Variants in DEDD2 observed in about 807,000 individuals in gnomAD.
DEDD2 encodes the protein death effector domain containing 2, also known as DNA-binding death effector domain-containing protein 2.
DEDD2 carries 18 observed loss-of-function variants against 28.9 expected under a neutral mutation model. That is an observed-to-expected ratio of 0.62 (90% confidence interval 0.43 to 0.92). The LOEUF (loss-of-function observed/expected upper bound fraction) is 0.92. Ranked by LOEUF, DEDD2 falls within the 40% of genes least tolerant of loss-of-function variation. The probability of loss-of-function intolerance (pLI) is 0.00; values close to 1 mark genes in which losing one functional copy is unlikely to be tolerated. For synonymous variants in DEDD2, 211 were observed against 206.1 expected (o/e 1.02, Z -0.20); for missense variants, 411 against 463.3 (o/e 0.89, Z 1.04).
intron 4 of DEDD2, among the ~76,000 whole-genome samples, chr19:42,209,283 G>A (rs1298208455): frequency 3.3e-5 from 5 of 152,066 alleles, no homozygotes; most frequent in African/African-American, 1.2e-4. Context: ...AGGCAGAGAG[G>A]TTCAATTACT....
rs566565105 is a variant in DEDD2 at position 42,216,506 on chromosome 19, A to C, written c.328+174T>G. Among the ~76,000 whole-genome samples, 6 of 152,360 alleles carry C rather than the reference A, an allele frequency of 3.9e-5. No individual in the cohort carries two copies. The South Asian group carries it at 1.2e-3, about 32-fold the overall frequency. Reference sequence around the variant, plus strand: ...TCATCACTGATGTGGCCAAATTCCCAAAGCCATGCTTTCTTCCTCTTATGT... The same window carrying C: ...TCATCACTGATGTGGCCAAATTCCCCAAGCCATGCTTTCTTCCTCTTATGT... On this transcript the variant is annotated intron_variant, in intron 2 of 4. Transcript: ENST00000596251.
At chr19:42,217,575 C>A in intron 1 of DEDD2, 57 bp downstream of exon 1, 1 of 158,864 alleles carries the variant, frequency 6.3e-6, no homozygotes, top group Non-Finnish European at 1.4e-5. Context: ...CTCCCCAGAG[C>A]CCAGGTGGTC....
intron 4 of DEDD2, among the ~76,000 whole-genome samples, chr19:42,208,905 C>G (rs892561950): frequency 6.6e-6 from 1 of 152,220 alleles, no homozygotes; most frequent in African/African-American, 2.4e-5. Flanking sequence ...ACAATCCAAA[C>G]AGGGAGGTGA....
chr19:42,219,872 C>T (rs2036099435), upstream of DEDD2, among the ~76,000 whole-genome samples: 1 of 152,208 alleles, frequency 6.6e-6, no homozygotes, highest in Non-Finnish European at 1.5e-5. Context: ...TGATATCATC[C>T]AATCCCCTAA....
chr19:42,207,288 G>A (rs1245308827), intron 4 of DEDD2, among the ~76,000 whole-genome samples: 1 of 152,198 alleles, frequency 6.6e-6, no homozygotes, highest in African/African-American at 2.4e-5. Context: ...ACTCCCTGGA[G>A]GGCCATTATG....
intron 4 of DEDD2, among the ~76,000 whole-genome samples, chr19:42,201,056 G>A (rs919152585): frequency 4.6e-5 from 7 of 152,188 alleles, no homozygotes; most frequent in African/African-American, 1.4e-4. Flanking sequence ...TCTGCCAGGC[G>A]CCAAGTGCTT....
upstream of DEDD2, among the ~76,000 whole-genome samples, chr19:42,218,462 C>T (rs1384481541): frequency 6.6e-6 from 1 of 152,152 alleles, no homozygotes; most frequent in African/African-American, 2.4e-5. Context: ...TCCAGGGTCG[C>T]CCAGATACCC....
intron 4 of DEDD2, among the ~76,000 whole-genome samples, chr19:42,202,328 T>A (rs993935587): frequency 6.6e-6 from 1 of 151,980 alleles, no homozygotes; most frequent in African/African-American, 2.4e-5. Flanking sequence ...TGCACTCCAG[T>A]CACAAGAAAA....
At chr19:42,209,385 T>A (rs1164446111) in intron 4 of DEDD2, among the ~76,000 whole-genome samples, 2 of 152,164 alleles carry the variant, frequency 1.3e-5, no homozygotes, top group African/African-American at 2.4e-5. Context: ...CCCCGTGATA[T>A]GCTGCCACTG....
At chr19:42,211,091 T>G (rs1050498399) in intron 3 of DEDD2, among the ~76,000 whole-genome samples, 37 of 141,218 alleles carry the variant, frequency 2.6e-4, no homozygotes, top group Non-Finnish European at 1.4e-4. Context: ...AAAAAAAAAA[T>G]TAAACACAAA....
chr19:42,214,209 A>C (rs1162954805), intron 3 of DEDD2, among the ~76,000 whole-genome samples: 4 of 152,190 alleles, frequency 2.6e-5, no homozygotes, highest in Non-Finnish European at 1.5e-5. Context: ...TAATCCCAAC[A>C]CTTTCGGAGG....
At chr19:42,220,043 GC>G (rs963005108), upstream of DEDD2, 1 of 152,250 alleles carries the variant, frequency 6.6e-6, no homozygotes. Flanking sequence ...GTCTCCCGCC[GC>G]CCAGTTCACT....
intron 3 of DEDD2, among the ~76,000 whole-genome samples, chr19:42,213,758 G>T (rs2035854895): frequency 6.6e-6 from 1 of 152,096 alleles, no homozygotes; most frequent in South Asian, 2.1e-4. Flanking sequence ...CAATGTTACA[G>T]GAAAAAGAAA....
At chr19:42,210,794 G>A (rs570954155) in intron 3 of DEDD2, among the ~76,000 whole-genome samples, 4 of 151,984 alleles carry the variant, frequency 2.6e-5, no homozygotes, top group African/African-American at 7.2e-5. Context: ...GGCCGCACAC[G>A]GTGTGGCTCC....
At chr19:42,211,089 A>C (rs996613115) in intron 3 of DEDD2, among the ~76,000 whole-genome samples, 5 of 151,590 alleles carry the variant, frequency 3.3e-5, no homozygotes, top group African/African-American at 1.2e-4. Context: ...AAAAAAAAAA[A>C]ATTAAACACA....
At chr19:42,213,801 A>G (rs758596685) in intron 3 of DEDD2, among the ~76,000 whole-genome samples, 9 of 144,848 alleles carry the variant, frequency 6.2e-5, no homozygotes, top group Non-Finnish European at 1.2e-4. Context: ...TTTCTGTGCT[A>G]TAGCAGGAGA....
At chr19:42,211,661 G>A (rs1371188857) in intron 3 of DEDD2, among the ~76,000 whole-genome samples, 3 of 152,062 alleles carry the variant, frequency 2.0e-5, no homozygotes, top group African/African-American at 7.2e-5. Context: ...TTGTTATTTT[G>A]ATGCTATTTA....
chr19:42,216,850 G>C lies in DEDD2; in HGVS notation c.158C>G (p.Pro53Arg). The C allele has an allele frequency of 1.9e-6, 3 of 1,591,118 alleles. No homozygotes were observed. Among genetic ancestry groups the C allele is most frequent in the Non-Finnish European group, 2.6e-6 (3 of 1,169,318 alleles). ...CCGGGCTAAGCCTCCGGCGGCGCCAGGAGCCTCATCCAGCAGAAAGGCCAG... is the reference window on the plus strand; with the variant it reads ...CCGGGCTAAGCCTCCGGCGGCGCCACGAGCCTCATCCAGCAGAAAGGCCAG... The part of the protein sequence containing the change: ...ELLAFLLDEA[P>R]GAAGGLARAR... Residue 53 changes from proline to arginine, a missense_variant, in exon 2 of 5, where the codon CCT becomes CGT. Pro to Arg is a moderately radical substitution (Grantham distance 103, BLOSUM62 -2). Coordinates refer to ENST00000596251, the MANE Select transcript of DEDD2 (RefSeq NM_133328.4).
At chr19:42,216,626 G>A (rs977898515) in intron 2 of DEDD2, 54 bp downstream of exon 2, 39 of 1,477,048 alleles carry the variant, frequency 2.6e-5, no homozygotes, top group Non-Finnish European at 3.4e-5. Flanking sequence ...GAGGCCCAGC[G>A]GGAGCCAGGC....
Sources: allele counts gnomAD v4.1 joint callset (sites outside exome capture counted in the v4.1 genomes callset), GRCh38; gene constraint gnomAD v4.1.1; transcripts MANE v1.5; gene names NCBI Gene and HGNC (gene_info 2026-07-23, HGNC 2026-07-21).